The following C9orf50 variants were observed in gnomAD, a reference collection of about 807,000 sequenced individuals.
C9orf50 encodes uncharacterized protein C9orf50.
In C9orf50, 33 loss-of-function variants were observed where a neutral mutation model predicts 42.5. The observed-to-expected ratio is 0.78, with a 90% CI of 0.59 to 1.04. C9orf50 has a LOEUF of 1.04. Ranked by LOEUF, C9orf50 falls within the 50% of genes least tolerant of loss-of-function variation. The pLI is 0.00. For synonymous variants in C9orf50, 257 were observed against 273.4 expected (o/e 0.94, Z 0.59); for missense variants, 547 against 594.3 (o/e 0.92, Z 0.83).
Position 129,620,017 on chromosome 9 carries a change from C to T in C9orf50, c.508+50G>A. The T allele has an allele frequency of 2.1e-6, 3 of 1,459,660 alleles. No homozygotes were observed. In the South Asian group the frequency reaches 4.3e-5, roughly 21 times the overall value. 90.4% of individuals were successfully genotyped at this position (1,459,660 alleles called of 1,614,324 possible). On this transcript the variant is annotated intron_variant, in intron 1 of 6. Coordinates refer to ENST00000372478, the Ensembl canonical transcript of C9orf50. The surrounding 1 kb of genome is among the most constrained non-coding windows in gnomAD (Gnocchi z 5.8). ...GGGTGCGGGGACACAAGGGACCACC[C>T]CCCACCGGAAATGACTCGGGCCCGC...
chr9:129,615,411 C>T (rs1219835576), intron 4 of C9orf50, 73 bp downstream of exon 4: 50 of 1,449,114 alleles, frequency 3.5e-5, no homozygotes, highest in South Asian at 8.4e-5. Flanking sequence ...TCTAGGGGCC[C>T]GGAGCTACAG....
intron 3 of C9orf50, among the ~76,000 whole-genome samples, chr9:129,616,347 C>G (rs1484127221): frequency 6.6e-6 from 1 of 152,206 alleles, no homozygotes; most frequent in Non-Finnish European, 1.5e-5. Context: ...TCCCGAGTAG[C>G]TGGGACTACA....
chr9:129,615,546 A>AC lies in C9orf50; in HGVS notation c.817dup (p.Val273GlyfsTer5). 6.2e-7 allele frequency: 1 copy of AC among 1,610,584 alleles called. No homozygotes were observed. Among genetic ancestry groups the AC allele is most frequent in the Non-Finnish European group, 8.5e-7 (1 of 1,179,326 alleles). On this transcript the variant is annotated frameshift_variant, in exon 4 of 7. Coordinates refer to ENST00000372478, the Ensembl canonical transcript of C9orf50. LOFTEE classifies it high-confidence loss of function. ...CTGCAGGGTCTCGTCAGCGAATCGC[A>AC]CCCGGAAAGGGCAACGCTGCCTGCA... is the stretch of plus-strand genomic sequence containing the variant.
exon 7 of C9orf50, chr9:129,612,274 T>C: frequency 7.5e-7 from 1 of 1,325,480 alleles, no homozygotes; most frequent in Admixed American, 1.9e-5. Context: ...GATGTGCCTT[T>C]ATTTGTGGGG....
At chr9:129,619,198 G>A (rs1830547472) in intron 3 of C9orf50, among the ~76,000 whole-genome samples, 1 of 152,146 alleles carries the variant, frequency 6.6e-6, no homozygotes, top group South Asian at 2.1e-4. Flanking sequence ...TTCATGAACG[G>A]GTTGTAGAAG....
chr9:129,620,391 A>C lies in C9orf50; in HGVS notation c.184T>G (p.Trp62Gly). 1 of 1,231,720 alleles carries C rather than the reference A, an allele frequency of 8.1e-7. No individual in the cohort carries two copies. Among genetic ancestry groups the C allele is most frequent in the Non-Finnish European group, 1.0e-6 (1 of 987,954 alleles). The allele number at this position is 1,231,720 out of a possible 1,614,324, so 76.3% of individuals were successfully genotyped here. A position where few individuals can be genotyped will look rare whatever the true frequency, so the allele number is the denominator to read the frequency against. Residue 62 changes from tryptophan to glycine, a missense_variant, in exon 1 of 7, where the codon TGG (tryptophan) becomes GGG (glycine). Physicochemically the swap from Trp to Gly is radical, Grantham distance 184. Around this residue, in one of 3 missense-constraint regions of C9orf50, gnomAD observed 105 missense variants for 98.5 expected, o/e 1.07. Transcript: ENST00000372478. This position sits in a 1 kb window ranked among gnomAD's most constrained non-coding sequence, Gnocchi z 5.8. ...CCGGGCTTGGCGTCCCCTTCCGGCC[A>C]CCACGCGGCGCCGCCCCCCGGGATC...
Position 129,615,569 on chromosome 9 carries a change from G to T in C9orf50, c.795C>A (p.Cys265Ter), listed in dbSNP as rs140380275. Residue 265 changes from cysteine to a stop codon, truncating the protein, a stop_gained, in exon 4 of 7, where the codon TGC becomes TGA. Transcript: ENST00000372478. LOFTEE classifies it high-confidence loss of function. ...GCACCCGGAAAGGGCAACGCTGCCTGCAGGGCCTAGAGCCTTCCCCCGAGG... is the reference window on the plus strand; with the variant it reads ...GCACCCGGAAAGGGCAACGCTGCCTTCAGGGCCTAGAGCCTTCCCCCGAGG... 1.5e-5 allele frequency: 24 copies of T among 1,609,240 alleles called. No homozygotes were observed. Among genetic ancestry groups the T allele is most frequent in the Non-Finnish European group, 2.0e-5 (24 of 1,179,360 alleles).
At chr9:129,618,824 C>T (rs1830516599) in intron 3 of C9orf50, among the ~76,000 whole-genome samples, 1 of 151,678 alleles carries the variant, frequency 6.6e-6, no homozygotes, top group African/African-American at 2.4e-5. Flanking sequence ...TCCCGAGTAG[C>T]TGGGACTACA....
intron 3 of C9orf50, among the ~76,000 whole-genome samples, chr9:129,616,509 C>G (rs1032499416): frequency 6.6e-6 from 1 of 152,194 alleles, no homozygotes; most frequent in Non-Finnish European, 1.5e-5. Flanking sequence ...AGCCACCGCC[C>G]GCCCGCCTGC....
Position 129,615,472 on chromosome 9 carries a change from C to G in C9orf50, c.880+12G>C. The G allele has an allele frequency of 6.4e-7, 1 of 1,571,134 alleles. No homozygotes were observed. The highest frequency in any genetic ancestry group is 8.6e-7 in the Non-Finnish European group (1 of 1,158,166). On this transcript the variant is annotated intron_variant, in intron 4 of 6. Transcript: ENST00000372478. Reference sequence around the variant, plus strand: ...TTCGGGAGTCTCGAGGCTCCCCATCCTGTCTGCTTACCTGAGCGTCTGCGC... The same window carrying G: ...TTCGGGAGTCTCGAGGCTCCCCATCGTGTCTGCTTACCTGAGCGTCTGCGC...
rs755530091 is a variant in C9orf50, at chr9:129,619,666, G to C, written c.600-30C>G. 6 of 1,609,890 alleles carry C rather than the reference G, an allele frequency of 3.7e-6. No individual in the cohort carries two copies. In the Middle Eastern group the frequency reaches 8.3e-4, roughly 222 times the overall value. ...AAGACAAACAGGCCACATCTGGCAT[G>C]AGTGGCCAGGCTGTCCCGCCCTGGA... On this transcript the variant is annotated intron_variant, in intron 2 of 6. Coordinates refer to ENST00000372478, the Ensembl canonical transcript of C9orf50.
rs1412464186 is a variant in C9orf50, at chr9:129,620,676, G to A, written c.-102C>T. The A allele has an allele frequency of 1.8e-6, 2 of 1,112,278 alleles. No homozygotes were observed. The highest frequency in any genetic ancestry group is 4.2e-5 in the Admixed American group (1 of 23,954). 68.9% of individuals were successfully genotyped at this position (1,112,278 alleles called of 1,614,324 possible). A position where few individuals can be genotyped will look rare whatever the true frequency, so the allele number is the denominator to read the frequency against. ...GTCCAGCCCCAGGCCATAGTGCCCCGGGCGGGGCAGCGCGGTGCGGGGTGA... is the reference window on the plus strand; with the variant it reads ...GTCCAGCCCCAGGCCATAGTGCCCCAGGCGGGGCAGCGCGGTGCGGGGTGA... On this transcript the variant is annotated 5_prime_UTR_variant, in exon 1 of 7. Coordinates refer to ENST00000372478, the Ensembl canonical transcript of C9orf50. This position sits in a 1 kb window ranked among gnomAD's most constrained non-coding sequence, Gnocchi z 5.8.
At position 129,613,934 on chromosome 9, in the gene C9orf50, C is replaced by G. The variant is rs1830221456; in HGVS notation, c.881-337G>C. 6.6e-6 allele frequency among the ~76,000 whole-genome samples: 1 copy of G among 152,192 alleles called. No homozygotes were observed. The highest frequency in any genetic ancestry group is 1.5e-5 in the Non-Finnish European group (1 of 68,032). ...CGTTGAGGGCTTCAGGGAGGGCTGT[C>G]TCAGGGATGGGGGCTCTTCCTGTCC... On this transcript the variant is annotated intron_variant, in intron 4 of 6. Transcript: ENST00000372478. The surrounding 1 kb of genome is among the most constrained non-coding windows in gnomAD (Gnocchi z 6.2).
intron 3 of C9orf50, 72 bp downstream of exon 3, chr9:129,619,447 GA>G (rs1336039625): frequency 2.8e-6 from 3 of 1,081,496 alleles, no homozygotes; most frequent in Admixed American, 2.1e-5. Flanking sequence ...ATTCATGGGC[GA>G]AAGAGGAAAG....
rs761172319 is a variant in C9orf50 at position 129,613,826 on chromosome 9, G to C, written c.881-229C>G. On this transcript the variant is annotated intron_variant, in intron 4 of 6. Transcript: ENST00000372478. The surrounding 1 kb of genome is among the most constrained non-coding windows in gnomAD (Gnocchi z 6.2). Reference sequence around the variant, plus strand: ...TGTGCCCCTGCGCACCCCCACTCACGCTGCAGCCGGAAGCGTGCCCCCTTT... The same window carrying C: ...TGTGCCCCTGCGCACCCCCACTCACCCTGCAGCCGGAAGCGTGCCCCCTTT... 1.6e-4 allele frequency among the ~76,000 whole-genome samples: 25 copies of C among 152,188 alleles called. No individual in the cohort carries two copies. Among genetic ancestry groups the C allele is most frequent in the Non-Finnish European group, 2.9e-4 (20 of 68,028 alleles).
exon 2 of C9orf50, chr9:129,619,756 A>G: frequency 6.2e-7 from 1 of 1,613,940 alleles, no homozygotes; most frequent in Non-Finnish European, 8.5e-7. Flanking sequence ...TCTGGGAGGA[A>G]TGAACAGTTG....
At chr9:129,612,301 TCA>T in exon 7 of C9orf50, 3 of 1,523,638 alleles carry the variant, frequency 2.0e-6, no homozygotes. Context: ...AGGACGCTCC[TCA>T]TTGCCTGGCC....
intron 6 of C9orf50, among the ~76,000 whole-genome samples, chr9:129,612,723 CAAA>C (rs1055969785): frequency 3.3e-5 from 5 of 152,100 alleles, no homozygotes; most frequent in Non-Finnish European, 5.9e-5. Context: ...ACCGAAAATA[CAAA>C]AATTAGCTGG....
upstream of C9orf50, among the ~76,000 whole-genome samples, chr9:129,621,812 G>A (rs1280926444): frequency 6.6e-6 from 1 of 152,060 alleles, no homozygotes; most frequent in African/African-American, 2.4e-5. Context: ...CTGACTCCTG[G>A]GCAGTGTCAC....
Sources: gnomAD v4.1 joint callset for allele counts (sites outside exome capture counted in the v4.1 genomes callset) on GRCh38, gnomAD v4.1.1 for gene constraint, gnomAD v4.1.1 regional missense constraint, Gnocchi (gnomAD v3.1) non-coding constraint, MANE v1.5 for transcripts, NCBI Gene and HGNC (gene_info 2026-07-23, HGNC 2026-07-21) for gene names.